FBXL17: variants seen among roughly 807,000 people sequenced by gnomAD.
FBXL17 encodes the protein F-box/LRR-repeat protein 17.
Under a neutral mutation model 66.2 loss-of-function variants are expected in FBXL17, and 22 were observed. The ratio of observed to expected loss-of-function variants is 0.33; its 90% CI spans 0.24 to 0.47. FBXL17 has a LOEUF of 0.47. Among genes scored for constraint, FBXL17 ranks in the 20% least tolerant of loss-of-function variants. The pLI is 1.00. For synonymous variants in FBXL17, 474 were observed against 400.5 expected (o/e 1.18, Z -2.19); for missense variants, 878 against 948.2 (o/e 0.93, Z 0.97).
intron 6 of FBXL17, among the ~76,000 whole-genome samples, chr5:108,159,232 G>A (rs1353620408): frequency 1.3e-5 from 2 of 151,984 alleles, no homozygotes. Context: ...CTTTCCTTTC[G>A]CTTTTTCTTA....
At chr5:108,174,940 T>C (rs73212208) in intron 6 of FBXL17, among the ~76,000 whole-genome samples, 1 of 152,300 alleles carries the variant, frequency 6.6e-6, no homozygotes, top group African/African-American at 2.4e-5. Flanking sequence ...AATGAGGCTA[T>C]GGCTTTCAGA....
intron 8 of FBXL17, among the ~76,000 whole-genome samples, chr5:107,863,376 T>C (rs1748184011): frequency 6.6e-6 from 1 of 151,272 alleles, no homozygotes; most frequent in Non-Finnish European, 1.5e-5. Context: ...CTTGGGATCT[T>C]TACACATCCC....
At position 108,348,456 on chromosome 5, in the gene FBXL17, G is replaced by A. The variant is rs367595764; in HGVS notation, c.1449C>T (p.Ile483=). The change falls in exon 4 of 9, where the codon ATC becomes ATT. Residue 483 remains isoleucine, a synonymous_variant. Transcript: ENST00000542267. The part of the protein sequence containing the change: ...QCYKISDEGM[I]VIAKGCLKLQ... ...ATTTCAGACAGCCCTTAGCTATGAC[G>A]ATCATGCCTTCATCTGAGATCTTGT... is the stretch of plus-strand genomic sequence containing the variant. 24 of 1,613,282 alleles carry A rather than the reference G, an allele frequency of 1.5e-5. No individual in the cohort carries two copies. Among genetic ancestry groups the A allele is most frequent in the African/African-American group, 2.7e-5 (2 of 74,886 alleles).
At position 108,081,595 on chromosome 5, in the gene FBXL17, C is replaced by A. The variant is rs991264916; in HGVS notation, c.1746-60594G>T. Among the ~76,000 whole-genome samples the A allele has an allele frequency of 3.9e-5, 6 of 152,096 alleles. No individual in the cohort carries two copies. In the East Asian group the frequency reaches 1.2e-3, roughly 30 times the overall value. Reference sequence around the variant, plus strand: ...AAAAGTAGCCGGCCGTGGTGGCAGGCGTCTGTAGTCCCAGCTACTCGGGAG... The same window carrying A: ...AAAAGTAGCCGGCCGTGGTGGCAGGAGTCTGTAGTCCCAGCTACTCGGGAG... On this transcript the variant is annotated intron_variant, in intron 6 of 8. Transcript: ENST00000542267.
intron 4 of FBXL17, among the ~76,000 whole-genome samples, chr5:108,342,749 A>C (rs757670276): frequency 4.6e-5 from 7 of 152,220 alleles, no homozygotes; most frequent in Non-Finnish European, 1.0e-4. Flanking sequence ...CTCATGTGGT[A>C]GTTATGAGGA....
chr5:108,208,660 A>C (rs1382194339), intron 5 of FBXL17, among the ~76,000 whole-genome samples: 1 of 151,992 alleles, frequency 6.6e-6, no homozygotes, highest in Non-Finnish European at 1.5e-5. Flanking sequence ...GTTCTGTTCC[A>C]CTGGTCTATG....
At chr5:108,063,695 CAAGT>C (rs60872684) in intron 6 of FBXL17, among the ~76,000 whole-genome samples, 6,798 of 152,076 alleles carry the variant, frequency 0.045, 512 homozygotes, top group African/African-American at 0.15. Flanking sequence ...TTTAAAAAAT[CAAGT>C]AAGACAGAAA....
At chr5:108,297,992 C>G (rs1010272652) in intron 4 of FBXL17, 2 of 983,144 alleles carry the variant, frequency 2.0e-6, no homozygotes, top group Non-Finnish European at 2.4e-6. Flanking sequence ...TGACTGAATT[C>G]TAAATGTAAG....
At chr5:108,225,087 TCCC>T (rs1027465674) in intron 4 of FBXL17, among the ~76,000 whole-genome samples, 9 of 152,216 alleles carry the variant, frequency 5.9e-5, no homozygotes, top group African/African-American at 1.9e-4. Context: ...TAACGGTCAT[TCCC>T]CTATTTCCCA....
chr5:108,103,438 G>A (rs547567104), intron 6 of FBXL17, among the ~76,000 whole-genome samples: 9 of 152,288 alleles, frequency 5.9e-5, no homozygotes, highest in African/African-American at 1.7e-4. Context: ...ATTTGCTACT[G>A]TTAAAAATAA....
intron 6 of FBXL17, among the ~76,000 whole-genome samples, chr5:108,103,743 G>A (rs1749686362): frequency 6.6e-6 from 1 of 152,062 alleles, no homozygotes; most frequent in Non-Finnish European, 1.5e-5. Flanking sequence ...TAGGTATTTT[G>A]GGAAGCCAGT....
intron 7 of FBXL17, among the ~76,000 whole-genome samples, chr5:107,974,772 G>A (rs1289649980): frequency 1.3e-5 from 2 of 151,968 alleles, no homozygotes; most frequent in Non-Finnish European, 2.9e-5. Context: ...AATAGGTAAA[G>A]GGAGAGTTAA....
At chr5:108,111,047 C>G (rs1750013435) in intron 6 of FBXL17, among the ~76,000 whole-genome samples, 2 of 152,102 alleles carry the variant, frequency 1.3e-5, no homozygotes, top group South Asian at 4.1e-4. Flanking sequence ...TGACCCCTTT[C>G]CTTTTTCTAC....
rs916195163 is a variant in FBXL17 at position 108,357,360 on chromosome 5, A to T, written c.1374+7378T>A. On this transcript the variant is annotated intron_variant, in intron 3 of 8. Transcript: ENST00000542267. ...ATGTGAAGCAAAAACTGTTAGAACT[A>T]CAAGGAAAAATGAATAACTTCACTA... Among the ~76,000 whole-genome samples, 8 of 152,182 alleles carry T rather than the reference A, an allele frequency of 5.3e-5. 1 individual carries two copies. Among genetic ancestry groups the T allele is most frequent in the East Asian group, 3.9e-4 (2 of 5,182 alleles).
At chr5:108,333,317 T>G (rs982614270) in intron 4 of FBXL17, among the ~76,000 whole-genome samples, 1 of 152,014 alleles carries the variant, frequency 6.6e-6, no homozygotes. Flanking sequence ...AGGAAGAAGA[T>G]GTAAGGTTAC....
intron 4 of FBXL17, among the ~76,000 whole-genome samples, chr5:108,264,214 CAAAAAAAA>C (rs35346820): frequency 4.0e-4 from 22 of 55,524 alleles, no homozygotes; most frequent in African/African-American, 7.6e-4. Context: ...GACTCTTTCT[CAAAAAAAA>C]AAAAAAAAAA....
At chr5:108,372,315 C>T (rs1036013794) in intron 1 of FBXL17, among the ~76,000 whole-genome samples, 5 of 152,056 alleles carry the variant, frequency 3.3e-5, no homozygotes, top group Non-Finnish European at 5.9e-5. Context: ...TACTAATATA[C>T]ATATAATTGG....
chr5:108,303,160 A>AGT (rs1241166731), intron 4 of FBXL17, among the ~76,000 whole-genome samples: 1 of 151,914 alleles, frequency 6.6e-6, no homozygotes, highest in Non-Finnish European at 1.5e-5. Flanking sequence ...TTCAAAATAT[A>AGT]GTGCCTCTAC....
intron 7 of FBXL17, among the ~76,000 whole-genome samples, chr5:108,006,826 C>T (rs1013861817): frequency 2.0e-5 from 3 of 152,168 alleles, no homozygotes; most frequent in Non-Finnish European, 4.4e-5. Context: ...CTATGTACTT[C>T]AGGATAAAGG....
Sources: allele counts gnomAD v4.1 joint callset (sites outside exome capture counted in the v4.1 genomes callset), GRCh38; gene constraint gnomAD v4.1.1; transcripts MANE v1.5; gene names NCBI Gene and HGNC (gene_info 2026-07-23, HGNC 2026-07-21).